The following RBFOX1 variants were observed in gnomAD, a reference collection of about 807,000 sequenced individuals.
The protein encoded by RBFOX1 is RNA binding protein fox-1 homolog 1.
Under a neutral mutation model 57.7 loss-of-function variants are expected in RBFOX1, and 8 were observed. The observed-to-expected ratio is 0.14, with a 90% confidence interval of 0.08 to 0.25. The LOEUF (loss-of-function observed/expected upper bound fraction) is 0.25. Ranked by LOEUF, RBFOX1 falls within the 10% of genes least tolerant of loss-of-function variation. The pLI is 1.00. For synonymous variants in RBFOX1, 326 were observed against 222.4 expected, an observed-to-expected ratio of 1.47 and a Z score of -4.15; for missense variants, 611 against 548.5, an observed-to-expected ratio of 1.11 and a Z score of -1.14.
At chr16:5,557,291 A>AAATG (rs1216343064) in intron 2 of RBFOX1, among the ~76,000 whole-genome samples, 22 of 151,370 alleles carry the variant, frequency 1.5e-4, no homozygotes, top group Non-Finnish European at 1.3e-4. Flanking sequence ...ATAAATAAAT[A>AAATG]AATAAATAAA....
At chr16:6,816,764 A>T (rs920348985) in intron 3 of RBFOX1, among the ~76,000 whole-genome samples, 15 of 151,436 alleles carry the variant, frequency 9.9e-5, no homozygotes, top group African/African-American at 3.4e-4. Context: ...GGAAGAAAAG[A>T]AACAGGGTGT....
intron 1 of RBFOX1, among the ~76,000 whole-genome samples, chr16:6,298,401 A>G (rs2078392016): frequency 6.6e-6 from 1 of 152,182 alleles, no homozygotes; most frequent in South Asian, 2.1e-4. Flanking sequence ...TCCCATTGTT[A>G]TGCACTTCAT....
At chr16:6,836,403 C>T (rs1603630539) in intron 3 of RBFOX1, among the ~76,000 whole-genome samples, 1 of 152,170 alleles carries the variant, frequency 6.6e-6, no homozygotes, top group Non-Finnish European at 1.5e-5. Context: ...AGGGTTTTAA[C>T]CTTGTTTTGT....
At chr16:5,681,333 C>A (rs898958579) in intron 3 of RBFOX1, among the ~76,000 whole-genome samples, 2 of 151,166 alleles carry the variant, frequency 1.3e-5, no homozygotes, top group Non-Finnish European at 2.9e-5. Context: ...ATCCACCCGC[C>A]TCGGCCTCCC....
At chr16:6,212,827 ATATGTACCCTATTTGTAACC>A (rs2097307527) in intron 1 of RBFOX1, among the ~76,000 whole-genome samples, 1 of 152,204 alleles carries the variant, frequency 6.6e-6, no homozygotes, top group Admixed American at 6.5e-5. Context: ...TCTCCAAGAC[ATATGTACCCTATTTGTAACC>A]TGAAAAAGGT....
intron 4 of RBFOX1, among the ~76,000 whole-genome samples, chr16:7,453,205 C>T (rs2057740229): frequency 6.6e-6 from 1 of 150,614 alleles, no homozygotes; most frequent in Non-Finnish European, 1.5e-5. Context: ...CCTGAAGGAA[C>T]AGGTGCTAGA....
At chr16:6,545,276 C>G (rs1029588817) in intron 2 of RBFOX1, among the ~76,000 whole-genome samples, 1 of 152,168 alleles carries the variant, frequency 6.6e-6, no homozygotes, top group Non-Finnish European at 1.5e-5. Flanking sequence ...AAACAGGTTA[C>G]CTTTCCCCAT....
rs528678525 is a variant in RBFOX1, at chr16:5,363,871, C to T, written c.220-103345C>T. On this transcript the variant is annotated intron_variant, in intron 1 of 2. Coordinates refer to the RBFOX1 transcript ENST00000585867. ...TGGCTGTTCCTGTCTATTCATTTTTCTGCCTAGGCGTTTGCCCTGGTGGAC... is the reference window on the plus strand; with the variant it reads ...TGGCTGTTCCTGTCTATTCATTTTTTTGCCTAGGCGTTTGCCCTGGTGGAC... Among the ~76,000 whole-genome samples, 9 of 152,328 alleles carry T rather than the reference C, an allele frequency of 5.9e-5. No individual in the cohort carries two copies. In the East Asian group the frequency reaches 1.7e-3, roughly 29 times the overall value.
At chr16:5,360,103 G>T (rs939710885) in intron 1 of RBFOX1, among the ~76,000 whole-genome samples, 3 of 152,228 alleles carry the variant, frequency 2.0e-5, no homozygotes, top group African/African-American at 7.2e-5. Flanking sequence ...TCACTGTCCT[G>T]TTCCTTTGAG....
chr16:6,843,409 C>G (rs1437847107), intron 3 of RBFOX1, among the ~76,000 whole-genome samples: 2 of 152,128 alleles, frequency 1.3e-5, no homozygotes, highest in East Asian at 3.9e-4. Flanking sequence ...AAAGCTTTGG[C>G]CAGACATGGT....
chr16:7,361,962 T>C (rs1264465813), intron 4 of RBFOX1, among the ~76,000 whole-genome samples: 2 of 152,016 alleles, frequency 1.3e-5, no homozygotes, highest in Non-Finnish European at 2.9e-5. Context: ...TGTGTGTATG[T>C]TTGTGTGTAT....
At chr16:7,208,521 G>A (rs1052825397) in intron 4 of RBFOX1, among the ~76,000 whole-genome samples, 17 of 152,112 alleles carry the variant, frequency 1.1e-4, no homozygotes, top group African/African-American at 3.9e-4. Flanking sequence ...AGATAGTGGG[G>A]AGGAGCCAGG....
intron 3 of RBFOX1, among the ~76,000 whole-genome samples, chr16:6,926,234 G>A (rs563073580): frequency 1.3e-5 from 2 of 152,188 alleles, no homozygotes; most frequent in African/African-American, 2.4e-5. Flanking sequence ...TTGAACCTGG[G>A]AGGGGGAGGT....
chr16:5,976,099 C>G (rs2060056669), intron 4 of RBFOX1, among the ~76,000 whole-genome samples: 2 of 151,892 alleles, frequency 1.3e-5, no homozygotes, highest in Admixed American at 6.6e-5. Flanking sequence ...AGCCAAGACT[C>G]TCTAGACTGC....
intron 14 of RBFOX1, among the ~76,000 whole-genome samples, chr16:7,701,179 G>T (rs981686416): frequency 1.4e-5 from 2 of 145,804 alleles, no homozygotes; most frequent in Admixed American, 6.7e-5. Context: ...GCCAAGTAGA[G>T]ATGACTCCAT....
At chr16:7,455,779 C>T (rs2058374586) in intron 4 of RBFOX1, among the ~76,000 whole-genome samples, 1 of 133,462 alleles carries the variant, frequency 7.5e-6, no homozygotes, top group African/African-American at 2.8e-5. Flanking sequence ...GAATGAGACT[C>T]CATCTCAAAA....
chr16:5,460,540 C>G (rs559102725), intron 1 of RBFOX1, among the ~76,000 whole-genome samples: 1 of 152,310 alleles, frequency 6.6e-6, no homozygotes, highest in South Asian at 2.1e-4. Context: ...GTGCTACCCA[C>G]AGTCCTTGGG....
At chr16:7,091,706 C>T (rs12922750) in intron 4 of RBFOX1, among the ~76,000 whole-genome samples, 38,953 of 151,984 alleles carry the variant, frequency 0.26, 5,093 homozygotes, top group East Asian at 0.37. Context: ...GCTCTTTCAC[C>T]CCATCCTCAG....
intron 2 of RBFOX1, among the ~76,000 whole-genome samples, chr16:6,548,987 T>C (rs1210688149): frequency 2.7e-5 from 4 of 149,748 alleles, no homozygotes; most frequent in African/African-American, 9.9e-5. Flanking sequence ...AGGCAGGAGA[T>C]TCACTTGAAC....
Sources: gnomAD v4.1 joint callset for allele counts (sites outside exome capture counted in the v4.1 genomes callset) on GRCh38, gnomAD v4.1.1 for gene constraint, MANE v1.5 for transcripts, NCBI Gene and HGNC (gene_info 2026-07-23, HGNC 2026-07-21) for gene names.